The following CNOT6L variants were observed in gnomAD, a reference collection of about 807,000 sequenced individuals.
CNOT6L encodes the protein CCR4-NOT transcription complex subunit 6-like.
CNOT6L carries 7 observed loss-of-function variants against 64.0 expected under a neutral mutation model. The observed-to-expected ratio is 0.11, with a 90% CI of 0.06 to 0.21. CNOT6L has a LOEUF of 0.21. Ranked by LOEUF, CNOT6L falls within the 10% of genes least tolerant of loss-of-function variation. CNOT6L has a pLI of 1.00. For synonymous variants in CNOT6L, 193 were observed against 243.4 expected (o/e 0.79, Z 1.93); for missense variants, 245 against 669.0 (o/e 0.37, Z 6.99).
At chr4:77,772,127 TATA>T (rs1006684392) in intron 4 of CNOT6L, among the ~76,000 whole-genome samples, 2 of 152,242 alleles carry the variant, frequency 1.3e-5, no homozygotes, top group Non-Finnish European at 2.9e-5. Flanking sequence ...ATTTTACTAT[TATA>T]ATGTTTTCTC....
chr4:77,776,636 A>G lies in CNOT6L; in HGVS notation c.6-244T>C, dbSNP rs59076342. ...ATAAGCAACAGCACTGGACTTTGCA[A>G]TGAACATTATGGTTGCTTCCTAACT... On this transcript the variant is annotated intron_variant, in intron 1 of 11. Transcript: ENST00000504123. Among the ~76,000 whole-genome samples, 805 of 152,338 alleles carry G rather than the reference A, an allele frequency of 5.3e-3. 7 individuals carry two copies. Among genetic ancestry groups the G allele is most frequent in the African/African-American group, 0.018 (758 of 41,584 alleles).
intron 6 of CNOT6L, among the ~76,000 whole-genome samples, chr4:77,747,904 T>A (rs1724387632): frequency 6.6e-6 from 1 of 152,222 alleles, no homozygotes; most frequent in South Asian, 2.1e-4. Flanking sequence ...CAAGTACTTC[T>A]CAGTAGTTTA....
intron 1 of CNOT6L, among the ~76,000 whole-genome samples, chr4:77,802,413 T>C (rs1731692250): frequency 6.6e-6 from 1 of 152,204 alleles, no homozygotes; most frequent in Non-Finnish European, 1.5e-5. Context: ...AATATGCCTC[T>C]TATCATGCTA....
At chr4:77,743,174 C>T (rs1428687982) in intron 7 of CNOT6L, among the ~76,000 whole-genome samples, 1 of 151,790 alleles carries the variant, frequency 6.6e-6, no homozygotes, top group African/African-American at 2.4e-5. Flanking sequence ...TAGGTATTTC[C>T]CTCCATCATG....
At chr4:77,754,194 G>A (rs964276981) in intron 5 of CNOT6L, among the ~76,000 whole-genome samples, 1 of 152,134 alleles carries the variant, frequency 6.6e-6, no homozygotes, top group Non-Finnish European at 1.5e-5. Context: ...ATTTAGCAAA[G>A]TGGTTGAATA....
chr4:77,779,760 G>A (rs1398376428), intron 1 of CNOT6L, among the ~76,000 whole-genome samples: 1 of 152,164 alleles, frequency 6.6e-6, no homozygotes, highest in African/African-American at 2.4e-5. Context: ...AGGAGATCGA[G>A]ACCATCCTGG....
At position 77,774,644 on chromosome 4, in the gene CNOT6L, T is replaced by A; in HGVS notation, c.200A>T (p.Tyr67Phe). ...HLTALHLNDNYLSRIPPDIAK... is the reference protein window; with the variant it reads ...HLTALHLNDNFLSRIPPDIAK... Reference sequence around the variant, plus strand: ...AATATCAGGTGGAATGCGACTAAGGTAATTGTCATTTAGGTGCAGCGCTGT... The same window carrying A: ...AATATCAGGTGGAATGCGACTAAGGAAATTGTCATTTAGGTGCAGCGCTGT... Residue 67 changes from tyrosine (Y) to phenylalanine (F), a missense_variant, in exon 3 of 12, where the codon TAC becomes TTC. By Grantham distance (22) the Tyr-to-Phe change is conservative. This residue lies in a region of CNOT6L where 78 missense variants were observed against 137.6 expected (regional missense o/e 0.57). Coordinates refer to ENST00000504123, the MANE Select transcript of CNOT6L (RefSeq NM_144571.3). 3 of 1,613,640 alleles carry A rather than the reference T, an allele frequency of 1.9e-6. 1 individual carries two copies. In the East Asian group the frequency reaches 6.7e-5, roughly 36 times the overall value.
intron 6 of CNOT6L, among the ~76,000 whole-genome samples, chr4:77,745,701 G>A (rs747541760): frequency 6.6e-6 from 1 of 152,172 alleles, no homozygotes; most frequent in Non-Finnish European, 1.5e-5. Flanking sequence ...AAAGAAAAAT[G>A]CTGAAGTAAG....
chr4:77,768,474 AATATATATATATATATATAT>A (rs1193284066), intron 4 of CNOT6L, among the ~76,000 whole-genome samples: 156 of 13,126 alleles, frequency 0.012, 3 homozygotes, highest in Non-Finnish European at 0.027. Flanking sequence ...AAAATAAATA[AATATATATATATATATATAT>A]ATATATATAT....
At chr4:77,794,186 A>C (rs1577993090) in intron 1 of CNOT6L, among the ~76,000 whole-genome samples, 1 of 147,060 alleles carries the variant, frequency 6.8e-6, no homozygotes, top group Admixed American at 6.8e-5. Context: ...AGATTTTAGA[A>C]ATAGAAGGAA....
At chr4:77,732,929 T>G (rs1722601323) in intron 8 of CNOT6L, among the ~76,000 whole-genome samples, 1 of 152,068 alleles carries the variant, frequency 6.6e-6, no homozygotes. Context: ...AACTGATAAC[T>G]GGGAAGCAGA....
At chr4:77,724,804 G>C (rs559601301) in intron 11 of CNOT6L, among the ~76,000 whole-genome samples, 3 of 152,184 alleles carry the variant, frequency 2.0e-5, no homozygotes, top group African/African-American at 7.2e-5. Flanking sequence ...TATCACTATA[G>C]TTACAAGGAT....
chr4:77,808,788 C>T (rs1323604980), intron 1 of CNOT6L, among the ~76,000 whole-genome samples: 3 of 152,176 alleles, frequency 2.0e-5, no homozygotes, highest in Middle Eastern at 3.4e-3. Flanking sequence ...AGTTTAAAAT[C>T]CATATGTACT....
chr4:77,819,075 C>CACACACACACAAA, intron 1 of CNOT6L: 1 of 731,586 alleles, frequency 1.4e-6, no homozygotes, highest in Admixed American at 2.1e-5. Context: ...CACACACACA[C>CACACACACACAAA]CCCGGAACCT....
chr4:77,778,460 T>TGATCTCGA (rs897007963), intron 1 of CNOT6L, among the ~76,000 whole-genome samples: 1 of 151,926 alleles, frequency 6.6e-6, no homozygotes, highest in Admixed American at 6.6e-5. Context: ...GGCAGTGGCG[T>TGATCTCGA]GATCTCGAGA....
intron 4 of CNOT6L, among the ~76,000 whole-genome samples, chr4:77,765,847 T>C (rs1229694466): frequency 2.0e-5 from 3 of 152,208 alleles, no homozygotes; most frequent in Non-Finnish European, 4.4e-5. Flanking sequence ...GCAAGACTAG[T>C]AGCTTTTCGC....
rs58452605 is a variant in CNOT6L at position 77,807,276 on chromosome 4, C to CAAAAAA, written c.5+12022_5+12027dup. Among the ~76,000 whole-genome samples, 29 of 108,178 alleles carry CAAAAAA rather than the reference C, an allele frequency of 2.7e-4. 2 individuals are homozygous for CAAAAAA. Among genetic ancestry groups the CAAAAAA allele is most frequent in the African/African-American group, 5.8e-4 (13 of 22,456 alleles). The allele number at this position is 108,178 out of a possible 152,430, so 71.0% of individuals were successfully genotyped here. The stretch of plus-strand genomic sequence containing the variant: ...ATGGCGACAGAGTGAGACTCCATCT[C>CAAAAAA]AAAAAAAAAAAAAAAAATCCTACAA... On this transcript the variant is annotated intron_variant, in intron 1 of 11. Transcript: ENST00000504123.
intron 4 of CNOT6L, among the ~76,000 whole-genome samples, chr4:77,760,858 G>C (rs111634783): frequency 4.5e-5 from 2 of 44,222 alleles, no homozygotes; most frequent in African/African-American, 1.5e-4. Context: ...CACCATGCCT[G>C]GCTTTTTTTT....
chr4:77,807,562 G>C (rs968276288), intron 1 of CNOT6L, among the ~76,000 whole-genome samples: 1 of 152,148 alleles, frequency 6.6e-6, no homozygotes, highest in South Asian at 2.1e-4. Flanking sequence ...ACCAGAGGCA[G>C]ATTATTAAAG....
Sources: allele counts gnomAD v4.1 joint callset (sites outside exome capture counted in the v4.1 genomes callset), GRCh38; gene constraint gnomAD v4.1.1; regional missense constraint gnomAD v4.1.1; transcripts MANE v1.5; gene names NCBI Gene and HGNC (gene_info 2026-07-23, HGNC 2026-07-21).